Variants in KLHL32 observed in about 807,000 individuals in gnomAD.
KLHL32 encodes the protein kelch-like protein 32.
In KLHL32, 35 loss-of-function variants were observed where a neutral mutation model predicts 64.8. The ratio of observed to expected loss-of-function variants is 0.54; its 90% CI spans 0.41 to 0.72. KLHL32 has a LOEUF of 0.72. Ranked by LOEUF, KLHL32 falls within the 30% of genes least tolerant of loss-of-function variation. The pLI is 0.00. For missense variants in KLHL32, 589 were observed against 768.5 expected (o/e 0.77, Z 2.76); for synonymous variants, 259 against 281.0 (o/e 0.92, Z 0.78).
upstream of KLHL32, among the ~76,000 whole-genome samples, chr6:96,923,129 A>G (rs918169800): frequency 1.3e-5 from 2 of 152,214 alleles, no homozygotes; most frequent in African/African-American, 4.8e-5. Context: ...TCCTGTGTAA[A>G]TGCAATTATA....
At chr6:97,055,003 G>C (rs1467688827) in intron 4 of KLHL32, among the ~76,000 whole-genome samples, 3 of 152,124 alleles carry the variant, frequency 2.0e-5, no homozygotes, top group African/African-American at 7.2e-5. Flanking sequence ...ATTATTTGTT[G>C]AATCCAACTG....
At chr6:96,970,841 T>C (rs1775028701) in intron 2 of KLHL32, among the ~76,000 whole-genome samples, 1 of 152,220 alleles carries the variant, frequency 6.6e-6, no homozygotes, top group Non-Finnish European at 1.5e-5. Context: ...AAGTGTTCTA[T>C]AGAAATGAAA....
chr6:96,966,311 A>G (rs1029630017), intron 1 of KLHL32, among the ~76,000 whole-genome samples: 1 of 152,204 alleles, frequency 6.6e-6, no homozygotes, highest in Non-Finnish European at 1.5e-5. Context: ...AGTCAGAGTT[A>G]CTCCAGTGAT....
intron 7 of KLHL32, among the ~76,000 whole-genome samples, chr6:97,124,266 A>G (rs892025898): frequency 6.6e-6 from 1 of 152,226 alleles, no homozygotes; most frequent in Non-Finnish European, 1.5e-5. Context: ...TTAACATTCT[A>G]GAGGGAATCT....
the KLHL32 span, among the ~76,000 whole-genome samples, chr6:96,919,160 C>T: frequency 6.6e-6 from 1 of 152,188 alleles, no homozygotes; most frequent in Non-Finnish European, 1.5e-5. Flanking sequence ...AAAAAGCTTG[C>T]ATATTCAGGT....
chr6:97,086,432 A>G (rs567495407), intron 6 of KLHL32, among the ~76,000 whole-genome samples: 1 of 152,314 alleles, frequency 6.6e-6, no homozygotes, highest in East Asian at 1.9e-4. Context: ...AAAGAGCTGC[A>G]GCGTCCTGAA....
At chr6:96,906,589 C>T in the KLHL32 span, among the ~76,000 whole-genome samples, 34,864 of 152,006 alleles carry the variant, frequency 0.23, 4,636 homozygotes, top group East Asian at 0.37. Context: ...TTATTCTCAT[C>T]CATGTGGGAG....
At chr6:97,043,252 C>G (rs1036794231) in intron 4 of KLHL32, among the ~76,000 whole-genome samples, 10 of 152,126 alleles carry the variant, frequency 6.6e-5, no homozygotes, top group Non-Finnish European at 1.5e-4. Flanking sequence ...TGGTAACCAT[C>G]ATTCTACTTG....
intron 3 of KLHL32, chr6:96,994,395 T>C (rs779605550): frequency 3.4e-5 from 21 of 624,982 alleles, no homozygotes; most frequent in Non-Finnish European, 3.8e-5. Flanking sequence ...ATCCGGAAAA[T>C]AAAACTATAC....
intron 2 of KLHL32, among the ~76,000 whole-genome samples, chr6:96,974,160 G>T (rs561018408): frequency 6.6e-6 from 1 of 152,168 alleles, no homozygotes; most frequent in African/African-American, 2.4e-5. Context: ...CTGCCTCATG[G>T]TGTTGTTGTG....
chr6:96,991,422 T>C (rs933417772), intron 3 of KLHL32, among the ~76,000 whole-genome samples: 1 of 152,094 alleles, frequency 6.6e-6, no homozygotes, highest in Non-Finnish European at 1.5e-5. Context: ...AACCAGGCCC[T>C]TTGTTCCTTC....
At chr6:97,101,224 C>G (rs1220900425) in intron 6 of KLHL32, among the ~76,000 whole-genome samples, 4 of 151,902 alleles carry the variant, frequency 2.6e-5, no homozygotes. Context: ...AATGTGCCAG[C>G]AACATTTAAA....
rs111277963 is a variant in KLHL32, at chr6:96,961,834, A to G, written c.-65-5162A>G. The stretch of plus-strand genomic sequence containing the variant: ...GGAGTTTTTGGCTCTCTGATATCAA[A>G]AAGGTCCCTCTTCAGGCAGCTGTTG... On this transcript the variant is annotated intron_variant, in intron 1 of 10. Coordinates refer to ENST00000369261, the MANE Select transcript of KLHL32 (RefSeq NM_052904.4). Among the ~76,000 whole-genome samples the G allele has an allele frequency of 1.9e-3, 291 of 152,318 alleles. 2 individuals carry two copies. The highest frequency in any genetic ancestry group is 6.8e-3 in the African/African-American group (284 of 41,564).
chr6:97,042,178 T>A (rs910388605), intron 4 of KLHL32, among the ~76,000 whole-genome samples: 1 of 152,238 alleles, frequency 6.6e-6, no homozygotes, highest in Non-Finnish European at 1.5e-5. Context: ...ACAGACTGGA[T>A]GTTTAGCTCC....
intron 3 of KLHL32, among the ~76,000 whole-genome samples, chr6:97,036,558 G>A (rs1784319502): frequency 6.6e-6 from 1 of 152,180 alleles, no homozygotes; most frequent in African/African-American, 2.4e-5. Flanking sequence ...TGTGATGATG[G>A]GTGGGGTGTG....
chr6:96,902,597 A>G, the KLHL32 span, among the ~76,000 whole-genome samples: 1 of 152,050 alleles, frequency 6.6e-6, no homozygotes, highest in Admixed American at 6.5e-5. Flanking sequence ...GTTTAATTAG[A>G]TCCCATTTGC....
chr6:97,119,481 T>A (rs950343100), intron 7 of KLHL32, among the ~76,000 whole-genome samples: 1 of 152,038 alleles, frequency 6.6e-6, no homozygotes, highest in Non-Finnish European at 1.5e-5. Flanking sequence ...GATATCAAGG[T>A]CCAAAATATT....
At chr6:97,123,503 A>G (rs1280946749) in intron 7 of KLHL32, among the ~76,000 whole-genome samples, 2 of 152,156 alleles carry the variant, frequency 1.3e-5, no homozygotes, top group Admixed American at 6.6e-5. Flanking sequence ...ACCTTGCAGT[A>G]TATCTTTAAG....
intron 3 of KLHL32, among the ~76,000 whole-genome samples, chr6:96,982,254 T>C (rs1776406210): frequency 6.6e-6 from 1 of 152,172 alleles, no homozygotes; most frequent in Non-Finnish European, 1.5e-5. Context: ...TGAATATATG[T>C]TTAGTATAGT....
Sources: gnomAD v4.1 joint callset for allele counts (sites outside exome capture counted in the v4.1 genomes callset) on GRCh38, gnomAD v4.1.1 for gene constraint, MANE v1.5 for transcripts, NCBI Gene and HGNC (gene_info 2026-07-23, HGNC 2026-07-21) for gene names.